Variants in ADAM12 observed in about 807,000 individuals in gnomAD.
ADAM12 encodes the protein disintegrin and metalloproteinase domain-containing protein 12.
ADAM12 carries 70 observed loss-of-function variants against 106.4 expected under a neutral mutation model. The observed-to-expected ratio is 0.66, with a 90% CI of 0.54 to 0.80. The LOEUF (loss-of-function observed/expected upper bound fraction) is 0.80. ADAM12 is among the 30% of genes least tolerant of loss of function. ADAM12 has a pLI of 0.00. For synonymous variants in ADAM12, 420 were observed against 433.5 expected (o/e 0.97, Z 0.39); for missense variants, 1,010 against 1,171.9 (o/e 0.86, Z 2.02).
chr10:126,203,933 C>CGT (rs1277637182), intron 3 of ADAM12, among the ~76,000 whole-genome samples: 8 of 90,104 alleles, frequency 8.9e-5, no homozygotes, highest in Admixed American at 4.3e-4. Flanking sequence ...TGAGTGCGCG[C>CGT]GCGCGCGTGT....
intron 2 of ADAM12, among the ~76,000 whole-genome samples, chr10:126,316,236 G>A (rs1853865834): frequency 6.6e-6 from 1 of 152,100 alleles, no homozygotes; most frequent in African/African-American, 2.4e-5. Context: ...TTTTTAAAAG[G>A]GCAAAATATC....
At chr10:126,281,176 A>T (rs1225226553) in intron 2 of ADAM12, among the ~76,000 whole-genome samples, 1 of 152,216 alleles carries the variant, frequency 6.6e-6, no homozygotes, top group East Asian at 1.9e-4. Context: ...TTATATTTAC[A>T]ATAAAATATT....
chr10:126,357,656 CCTT>C (rs1564753235), intron 1 of ADAM12, among the ~76,000 whole-genome samples: 1 of 152,148 alleles, frequency 6.6e-6, no homozygotes, highest in Non-Finnish European at 1.5e-5. Flanking sequence ...GCAAACAAAT[CCTT>C]CTTTACATGG....
chr10:126,372,537 A>G (rs1856146778), intron 1 of ADAM12, among the ~76,000 whole-genome samples: 1 of 152,188 alleles, frequency 6.6e-6, no homozygotes, highest in Non-Finnish European at 1.5e-5. Flanking sequence ...CCACCTGTCA[A>G]TTTTATAACT....
rs60411537 is a variant in ADAM12 at position 126,049,988 on chromosome 10, G to GTGGCTGGCTGGC, written c.1610-331_1610-320dup. Among the ~76,000 whole-genome samples the GTGGCTGGCTGGC allele has an allele frequency of 0.018, 2,730 of 149,932 alleles. 32 individuals are homozygous for GTGGCTGGCTGGC. The highest frequency in any genetic ancestry group is 0.027 in the Non-Finnish European group (1,806 of 67,330). Reference sequence around the variant, plus strand: ...AGATCTGATCCAGGGCAGAAAGGAGGTGGCTGGCTGGCTGGCTGGCTGGCT... The same window carrying GTGGCTGGCTGGC: ...AGATCTGATCCAGGGCAGAAAGGAGGTGGCTGGCTGGCTGGCTGGCTGGCTGGCTGGCTGGCT... On this transcript the variant is annotated intron_variant, in intron 14 of 22. Transcript: ENST00000448723. The surrounding 1 kb of genome is among the most constrained non-coding windows in gnomAD (Gnocchi z 4.4).
intron 3 of ADAM12, among the ~76,000 whole-genome samples, chr10:126,228,682 G>T (rs1312818831): frequency 1.3e-5 from 2 of 151,976 alleles, no homozygotes; most frequent in South Asian, 4.2e-4. Context: ...CTTCCTCCTG[G>T]AGCTTTTAAG....
At chr10:126,331,286 G>A (rs115627343) in intron 1 of ADAM12, among the ~76,000 whole-genome samples, 2,066 of 152,118 alleles carry the variant, frequency 0.014, 58 homozygotes, top group African/African-American at 0.047. Flanking sequence ...TATTTGGTTC[G>A]ACCACAGTAT....
chr10:126,114,583 G>C (rs1041877273), intron 6 of ADAM12, among the ~76,000 whole-genome samples: 2 of 152,196 alleles, frequency 1.3e-5, no homozygotes, highest in Non-Finnish European at 2.9e-5. Flanking sequence ...GGTTTCAAGT[G>C]ATTCTCCTGC....
intron 3 of ADAM12, among the ~76,000 whole-genome samples, chr10:126,233,328 T>G (rs963181703): frequency 6.6e-6 from 1 of 151,708 alleles, no homozygotes; most frequent in African/African-American, 2.4e-5. Context: ...AAGGAGAGTG[T>G]TAAAGAAGGA....
chr10:126,288,887 C>T (rs1282771502), intron 2 of ADAM12, among the ~76,000 whole-genome samples: 1 of 146,408 alleles, frequency 6.8e-6, no homozygotes, highest in Non-Finnish European at 1.5e-5. Context: ...TATAGTTACC[C>T]CTAAGGACAT....
chr10:126,281,953 T>C (rs1298078713), intron 2 of ADAM12, among the ~76,000 whole-genome samples: 1 of 152,234 alleles, frequency 6.6e-6, no homozygotes, highest in Non-Finnish European at 1.5e-5. Context: ...CCAGGGCACC[T>C]ACTACCCAGC....
Position 126,066,243 on chromosome 10 carries a change from G to C in ADAM12, c.1413+474C>G, listed in dbSNP as rs1954865432. Reference sequence around the variant, plus strand: ...CTGCCATTCTTGGCTGGGCGGGGTTGGTGGCAACTTCTTTTGGGAGGACAT... The same window carrying C: ...CTGCCATTCTTGGCTGGGCGGGGTTCGTGGCAACTTCTTTTGGGAGGACAT... On this transcript the variant is annotated intron_variant, in intron 13 of 22. Transcript: ENST00000448723. This position sits in a 1 kb window ranked among gnomAD's most constrained non-coding sequence, Gnocchi z 5.1. Among the ~76,000 whole-genome samples, 3 of 152,162 alleles carry C rather than the reference G, an allele frequency of 2.0e-5. No homozygotes were observed. The South Asian group carries it at 6.2e-4, about 32-fold the overall frequency.
intron 4 of ADAM12, among the ~76,000 whole-genome samples, chr10:126,140,641 A>C (rs1956492123): frequency 6.6e-6 from 1 of 152,254 alleles, no homozygotes; most frequent in African/African-American, 2.4e-5. Context: ...AACTTCTTAG[A>C]TTACTGACCA....
chr10:126,154,128 C>G (rs907163200), intron 4 of ADAM12, among the ~76,000 whole-genome samples: 1 of 152,168 alleles, frequency 6.6e-6, no homozygotes, highest in Non-Finnish European at 1.5e-5. Flanking sequence ...CAAACCCAAG[C>G]ACCAGGCCCT....
intron 11 of ADAM12, among the ~76,000 whole-genome samples, chr10:126,086,667 A>AT (rs1565045558): frequency 5.7e-5 from 4 of 69,806 alleles, no homozygotes; most frequent in East Asian, 5.6e-4. Flanking sequence ...AAAAAAAAAA[A>AT]AAAAAAAAAA....
chr10:126,192,992 G>A lies in ADAM12; in HGVS notation c.261-37687C>T, dbSNP rs181503466. Among the ~76,000 whole-genome samples the A allele has an allele frequency of 3.9e-5, 6 of 152,292 alleles. No individual in the cohort carries two copies. The East Asian group carries it at 5.8e-4, about 15-fold the overall frequency. On this transcript the variant is annotated intron_variant, in intron 3 of 22. Transcript: ENST00000448723. ...TTTTGAAAAGGACAGACCTCTGGGCGCAGTGGCTCATGCCTGTAATCCCAG... is the reference window on the plus strand; with the variant it reads ...TTTTGAAAAGGACAGACCTCTGGGCACAGTGGCTCATGCCTGTAATCCCAG...
At chr10:126,082,969 T>C (rs1955258318) in intron 11 of ADAM12, among the ~76,000 whole-genome samples, 1 of 152,182 alleles carries the variant, frequency 6.6e-6, no homozygotes, top group Non-Finnish European at 1.5e-5. Context: ...AAACTTTCAA[T>C]CACCACACAC....
intron 3 of ADAM12, among the ~76,000 whole-genome samples, chr10:126,245,538 C>T (rs11244903): frequency 0.033 from 4,963 of 152,058 alleles, 173 homozygotes; most frequent in African/African-American, 0.069. Flanking sequence ...AGAGGCACTG[C>T]CTTTGGAATC....
Position 126,053,114 on chromosome 10 carries a change from TTC to T in ADAM12, c.1610-3447_1610-3446del, listed in dbSNP as rs1158187016. 2.6e-5 allele frequency among the ~76,000 whole-genome samples: 4 copies of T among 152,114 alleles called. No homozygotes were observed. The highest frequency in any genetic ancestry group is 4.4e-5 in the Non-Finnish European group (3 of 68,022). ...AAAGTGTGTGGCACCTCCCTTTTCCTTCTCTCTCTTGCTCCTGCTCCGGCCGC... is the reference window on the plus strand; with the variant it reads ...AAAGTGTGTGGCACCTCCCTTTTCCTTCTCTCTTGCTCCTGCTCCGGCCGC... On this transcript the variant is annotated intron_variant, in intron 14 of 22. Coordinates refer to ENST00000448723, the MANE Select transcript of ADAM12 (RefSeq NM_001288973.2). The surrounding 1 kb of genome is among the most constrained non-coding windows in gnomAD (Gnocchi z 4.6).
Sources: allele counts gnomAD v4.1 joint callset (sites outside exome capture counted in the v4.1 genomes callset), GRCh38; gene constraint gnomAD v4.1.1; non-coding constraint Gnocchi (gnomAD v3.1); transcripts MANE v1.5; gene names NCBI Gene and HGNC (gene_info 2026-07-23, HGNC 2026-07-21).